The following C1orf21 variants were observed in gnomAD, a reference collection of about 807,000 sequenced individuals.
The protein encoded by C1orf21 is chromosome 1 open reading frame 21.
C1orf21 carries 3 observed loss-of-function variants against 18.7 expected under a neutral mutation model. The observed-to-expected ratio is 0.16, with a 90% CI of 0.07 to 0.42. C1orf21 has a LOEUF of 0.42. Ranked by LOEUF, C1orf21 falls within the 10% of genes least tolerant of loss-of-function variation. The pLI, the probability that C1orf21 is intolerant of heterozygous loss-of-function variation, is 0.99. For synonymous variants in C1orf21, 41 were observed against 46.4 expected, an observed-to-expected ratio of 0.88 and a Z score of 0.47; for missense variants, 104 against 143.6, an observed-to-expected ratio of 0.72 and a Z score of 1.41.
chr1:184,426,226 C>T (rs543628944), intron 1 of C1orf21, among the ~76,000 whole-genome samples: 1 of 152,342 alleles, frequency 6.6e-6, no homozygotes, highest in Non-Finnish European at 1.5e-5. Flanking sequence ...ATTCGTCTGT[C>T]CAGGATTACT....
chr1:184,419,926 G>C (rs557955790), intron 1 of C1orf21, among the ~76,000 whole-genome samples: 29 of 152,318 alleles, frequency 1.9e-4, no homozygotes, highest in Non-Finnish European at 3.8e-4. Flanking sequence ...TTACTCAGAG[G>C]GAAGGTGAAG....
intron 1 of C1orf21, among the ~76,000 whole-genome samples, chr1:184,423,827 C>T (rs1411998283): frequency 6.6e-6 from 1 of 151,632 alleles, no homozygotes; most frequent in Non-Finnish European, 1.5e-5. Flanking sequence ...TCCATCTACC[C>T]ATCCATCCCT....
intron 4 of C1orf21, among the ~76,000 whole-genome samples, chr1:184,597,432 A>T (rs1659531443): frequency 2.0e-5 from 3 of 152,110 alleles, no homozygotes; most frequent in South Asian, 2.1e-4. Flanking sequence ...CCCCTAAAGG[A>T]TAAGGCATGA....
chr1:184,427,441 C>T (rs1218859935), intron 1 of C1orf21, among the ~76,000 whole-genome samples: 1 of 151,248 alleles, frequency 6.6e-6, no homozygotes, highest in Non-Finnish European at 1.5e-5. Context: ...CTTTTTTTTT[C>T]CCCCAATGAT....
chr1:184,568,457 G>A (rs1254763034), intron 3 of C1orf21: 1 of 470,506 alleles, frequency 2.1e-6, no homozygotes, highest in Non-Finnish European at 4.4e-6. Flanking sequence ...AGGCTGCTGT[G>A]CATTTTAGAG....
intron 5 of C1orf21, among the ~76,000 whole-genome samples, chr1:184,603,936 G>A (rs1394117406): frequency 6.6e-6 from 1 of 152,244 alleles, no homozygotes; most frequent in Non-Finnish European, 1.5e-5. Flanking sequence ...CGTGGTTGGT[G>A]AAAAAGGTCA....
At chr1:184,411,299 G>A (rs938277000) in intron 1 of C1orf21, among the ~76,000 whole-genome samples, 6 of 151,852 alleles carry the variant, frequency 4.0e-5, no homozygotes, top group Admixed American at 3.9e-4. Context: ...TTTGTTCTTT[G>A]TAGTAGAATG....
At chr1:184,616,877 T>C (rs547122641) in intron 5 of C1orf21, among the ~76,000 whole-genome samples, 6 of 152,218 alleles carry the variant, frequency 3.9e-5, no homozygotes, top group Non-Finnish European at 5.9e-5. Context: ...CTTCGGTTTC[T>C]GCCGTAGAAG....
intron 1 of C1orf21, among the ~76,000 whole-genome samples, chr1:184,402,462 A>G (rs189047148): frequency 6.6e-6 from 1 of 152,158 alleles, no homozygotes; most frequent in Admixed American, 6.5e-5. Flanking sequence ...CTCTTCAGAA[A>G]AATTTTATAA....
chr1:184,440,392 G>T (rs748837044), intron 1 of C1orf21, among the ~76,000 whole-genome samples: 1 of 152,016 alleles, frequency 6.6e-6, no homozygotes, highest in African/African-American at 2.4e-5. Flanking sequence ...ACAGGCGCAC[G>T]CCCTACACCG....
chr1:184,489,384 C>T (rs1338468684), intron 2 of C1orf21, among the ~76,000 whole-genome samples: 1 of 151,974 alleles, frequency 6.6e-6, no homozygotes, highest in African/African-American at 2.4e-5. Flanking sequence ...AAAAACAAAC[C>T]AGCAAAAAAA....
At position 184,479,613 on chromosome 1, in the gene C1orf21, C is replaced by CTTTTTTTT. The variant is rs55840285; in HGVS notation, c.94+2029_94+2036dup. On this transcript the variant is annotated intron_variant, in intron 2 of 5. Coordinates refer to ENST00000235307, the MANE Select transcript of C1orf21 (RefSeq NM_030806.4). The stretch of plus-strand genomic sequence containing the variant: ...TGATGCCGTGCAGCCTCCCATAGGT[C>CTTTTTTTT]TTTTTTTTTTTTTTTTTTTTTTTTT... Among the ~76,000 whole-genome samples, 5 of 62,214 alleles carry CTTTTTTTT rather than the reference C, an allele frequency of 8.0e-5. 1 individual carries two copies. Among genetic ancestry groups the CTTTTTTTT allele is most frequent in the Non-Finnish European group, 1.5e-4 (5 of 34,384 alleles). The allele number at this position is 62,214 out of a possible 152,430, so 40.8% of individuals were successfully genotyped here.
At chr1:184,397,890 A>C (rs75295214) in intron 1 of C1orf21, among the ~76,000 whole-genome samples, 2,901 of 152,274 alleles carry the variant, frequency 0.019, 102 homozygotes, top group African/African-American at 0.064. Flanking sequence ...AATTGTAAGA[A>C]CACTTTAAGT....
intron 1 of C1orf21, among the ~76,000 whole-genome samples, chr1:184,441,036 C>T (rs764372281): frequency 2.0e-5 from 3 of 152,220 alleles, no homozygotes; most frequent in Non-Finnish European, 2.9e-5. Flanking sequence ...ATTCTACCTA[C>T]TCCTTTTGGA....
At chr1:184,429,641 T>A (rs558579233) in intron 1 of C1orf21, among the ~76,000 whole-genome samples, 1 of 152,220 alleles carries the variant, frequency 6.6e-6, no homozygotes, top group Admixed American at 6.5e-5. Context: ...TAAGATTCAG[T>A]TGAAATGTTC....
intron 3 of C1orf21, among the ~76,000 whole-genome samples, chr1:184,561,837 C>A (rs1658969774): frequency 6.6e-6 from 1 of 152,038 alleles, no homozygotes; most frequent in Admixed American, 6.5e-5. Context: ...AGGCTAGTCT[C>A]TTGGCCAGGC....
At chr1:184,575,801 C>T (rs1659181193) in intron 3 of C1orf21, among the ~76,000 whole-genome samples, 2 of 151,552 alleles carry the variant, frequency 1.3e-5, no homozygotes, top group African/African-American at 2.4e-5. Flanking sequence ...TGCTAAGAGA[C>T]CCCCCAACCC....
chr1:184,588,100 GT>G (rs1380647855), intron 3 of C1orf21, among the ~76,000 whole-genome samples: 2 of 152,110 alleles, frequency 1.3e-5, no homozygotes, highest in Admixed American at 1.3e-4. Context: ...ACTAGGCATT[GT>G]TTTTTATAGG....
intron 3 of C1orf21, among the ~76,000 whole-genome samples, chr1:184,579,745 G>A (rs921764246): frequency 3.3e-5 from 5 of 151,960 alleles, no homozygotes; most frequent in Non-Finnish European, 7.4e-5. Flanking sequence ...TCCTGACCTC[G>A]TGATCCACCC....
Sources: gnomAD v4.1 joint callset for allele counts (sites outside exome capture counted in the v4.1 genomes callset) on GRCh38, gnomAD v4.1.1 for gene constraint, MANE v1.5 for transcripts, NCBI Gene and HGNC (gene_info 2026-07-23, HGNC 2026-07-21) for gene names.